MAD1L1: variants seen among roughly 807,000 people sequenced by gnomAD.
The protein encoded by MAD1L1 is mitotic arrest deficient 1 like 1, also known as mitotic spindle assembly checkpoint protein MAD1.
MAD1L1 carries 95 observed loss-of-function variants against 96.9 expected under a neutral mutation model. The observed-to-expected ratio is 0.98, with a 90% CI of 0.83 to 1.16. The LOEUF (loss-of-function observed/expected upper bound fraction) is 1.16. MAD1L1 is among the 50% of genes most tolerant of loss of function. The pLI, the probability that MAD1L1 is intolerant of heterozygous loss-of-function variation, is 0.00. For synonymous variants in MAD1L1, 473 were observed against 396.6 expected (o/e 1.19, Z -2.29); for missense variants, 1,007 against 954.4 (o/e 1.06, Z -0.73).
chr7:2,222,167 G>A (rs1793643044), intron 5 of MAD1L1, among the ~76,000 whole-genome samples: 1 of 151,332 alleles, frequency 6.6e-6, no homozygotes, highest in South Asian at 2.1e-4. Context: ...TCCACCTCCT[G>A]GGTTCAAGCG....
intron 11 of MAD1L1, among the ~76,000 whole-genome samples, chr7:2,091,259 C>G (rs76578600): frequency 6.6e-6 from 1 of 152,188 alleles, no homozygotes; most frequent in Non-Finnish European, 1.5e-5. Context: ...GTCCTCCTAC[C>G]GAGAACAGTG....
chr7:2,169,474 C>T (rs910424117), intron 10 of MAD1L1, among the ~76,000 whole-genome samples: 3 of 152,178 alleles, frequency 2.0e-5, no homozygotes, highest in African/African-American at 7.2e-5. Flanking sequence ...AAAAAAAAAT[C>T]TCTTGCTCCA....
At chr7:2,213,297 A>G (rs1329596495) in intron 9 of MAD1L1, 24 bp from the exon 10 acceptor site, 35 of 1,610,516 alleles carry the variant, frequency 2.2e-5, no homozygotes, top group Non-Finnish European at 2.9e-5. Flanking sequence ...AAAAGCACAG[A>G]CCCTGTCATC....
intron 3 of MAD1L1, among the ~76,000 whole-genome samples, chr7:2,226,781 G>A (rs1044920498): frequency 4.6e-5 from 7 of 152,206 alleles, no homozygotes; most frequent in Non-Finnish European, 8.8e-5. Flanking sequence ...CTTGAGGCCA[G>A]GAGTTCAAGA....
At chr7:1,817,755 T>TCCGC (rs1295396046) in intron 18 of MAD1L1, among the ~76,000 whole-genome samples, 1 of 152,086 alleles carries the variant, frequency 6.6e-6, no homozygotes, top group Non-Finnish European at 1.5e-5. Context: ...AAGCGCTCCC[T>TCCGC]CCGCCCGGCA....
intron 18 of MAD1L1, among the ~76,000 whole-genome samples, chr7:1,873,880 G>A (rs147293800): frequency 2.6e-5 from 4 of 152,310 alleles, no homozygotes; most frequent in African/African-American, 7.2e-5. Flanking sequence ...GTGGCTGAAC[G>A]AGAATGGATG....
intron 10 of MAD1L1, among the ~76,000 whole-genome samples, chr7:2,209,710 C>T (rs1792800482): frequency 6.6e-6 from 1 of 152,186 alleles, no homozygotes; most frequent in South Asian, 2.1e-4. Context: ...CGGCAAGCCC[C>T]AAATCCCAGC....
At chr7:1,869,671 C>T (rs952204847) in intron 18 of MAD1L1, among the ~76,000 whole-genome samples, 2 of 152,158 alleles carry the variant, frequency 1.3e-5, no homozygotes, top group Non-Finnish European at 2.9e-5. Context: ...TAGCCTGCGT[C>T]GGTAATGAGC....
At chr7:1,867,724 T>C (rs1784846385) in intron 18 of MAD1L1, among the ~76,000 whole-genome samples, 2 of 152,106 alleles carry the variant, frequency 1.3e-5, no homozygotes, top group Admixed American at 1.3e-4. Flanking sequence ...AGGGTGGCTG[T>C]AGGGGATGGG....
At chr7:2,167,275 C>T (rs1452681426) in intron 10 of MAD1L1, among the ~76,000 whole-genome samples, 2 of 152,094 alleles carry the variant, frequency 1.3e-5, no homozygotes, top group Non-Finnish European at 2.9e-5. Context: ...AGGCCGGGCG[C>T]GGCAGCTCAT....
intron 12 of MAD1L1, among the ~76,000 whole-genome samples, chr7:2,064,915 G>A (rs73283548): frequency 6.6e-6 from 1 of 152,066 alleles, no homozygotes; most frequent in Non-Finnish European, 1.5e-5. Flanking sequence ...TGGGAGGACA[G>A]AGGCTTCTTC....
chr7:1,907,829 T>C lies in MAD1L1; in HGVS notation c.1808-9439A>G, dbSNP rs559114632. ...ACGGGTGCTCGGCGCGGGATCTGAG[T>C]GGCGGGCCTGAGTCCAGGTGTGGAG... On this transcript the variant is annotated intron_variant, in intron 17 of 18. Transcript: ENST00000265854. Among the ~76,000 whole-genome samples, 557 of 152,282 alleles carry C rather than the reference T, an allele frequency of 3.7e-3. 2 individuals carry two copies. The highest frequency in any genetic ancestry group is 0.013 in the African/African-American group (532 of 41,560).
At chr7:2,175,558 A>G (rs1010724406) in intron 10 of MAD1L1, among the ~76,000 whole-genome samples, 1 of 152,054 alleles carries the variant, frequency 6.6e-6, no homozygotes, top group African/African-American at 2.4e-5. Flanking sequence ...TTCAGAAAGA[A>G]AAAGGTAGGT....
At chr7:1,886,076 G>T (rs558473021) in intron 18 of MAD1L1, among the ~76,000 whole-genome samples, 1 of 152,238 alleles carries the variant, frequency 6.6e-6, no homozygotes. Flanking sequence ...CCTCATCCCA[G>T]CAACCTGCAG....
intron 18 of MAD1L1, among the ~76,000 whole-genome samples, chr7:1,892,903 T>A (rs867094163): frequency 6.6e-6 from 1 of 152,184 alleles, no homozygotes; most frequent in Non-Finnish European, 1.5e-5. Flanking sequence ...TCACTCCACT[T>A]CTTCTTACCA....
chr7:1,825,242 T>C (rs1178221333), intron 18 of MAD1L1, among the ~76,000 whole-genome samples: 2 of 152,218 alleles, frequency 1.3e-5, no homozygotes, highest in African/African-American at 4.8e-5. Flanking sequence ...CCCTCGGGCG[T>C]CTTGCTCATC....
intron 12 of MAD1L1, among the ~76,000 whole-genome samples, chr7:2,063,003 A>G (rs191942116): frequency 6.6e-6 from 1 of 152,364 alleles, no homozygotes; most frequent in African/African-American, 2.4e-5. Flanking sequence ...AAAGCGGAGC[A>G]ATGTTTAAAG....
chr7:1,898,997 G>A (rs1787073976), intron 17 of MAD1L1, among the ~76,000 whole-genome samples: 1 of 152,184 alleles, frequency 6.6e-6, no homozygotes, highest in African/African-American at 2.4e-5. Flanking sequence ...AGGCCACCGG[G>A]ACGTTCCGGA....
intron 18 of MAD1L1, among the ~76,000 whole-genome samples, chr7:1,867,782 C>T (rs59690573): frequency 0.028 from 4,217 of 152,282 alleles, 121 homozygotes; most frequent in African/African-American, 0.072. Context: ...AGGGACTGGA[C>T]GGGCTGAGCA....
Sources: allele counts gnomAD v4.1 joint callset (sites outside exome capture counted in the v4.1 genomes callset), GRCh38; gene constraint gnomAD v4.1.1; transcripts MANE v1.5; gene names NCBI Gene and HGNC (gene_info 2026-07-23, HGNC 2026-07-21).